GRIN2B: variants seen among roughly 807,000 people sequenced by gnomAD.
GRIN2B encodes the protein glutamate receptor ionotropic, NMDA 2B.
A neutral mutation model predicts 114.5 loss-of-function variants in GRIN2B; 5 were observed. The ratio of observed to expected loss-of-function variants is 0.04; its 90% CI spans 0.02 to 0.09. The LOEUF (loss-of-function observed/expected upper bound fraction) is 0.09. Among genes scored for constraint, GRIN2B ranks in the 10% least tolerant of loss-of-function variants. The probability of loss-of-function intolerance (pLI) is 1.00; values close to 1 mark genes in which losing one functional copy is unlikely to be tolerated. For synonymous variants in GRIN2B, 787 were observed against 745.1 expected, an observed-to-expected ratio of 1.06 and a Z score of -0.92; for missense variants, 1,108 against 1,943.5, an observed-to-expected ratio of 0.57 and a Z score of 8.08.
rs770764154 is a variant in GRIN2B, at chr12:13,540,984, A to T, written c.*21799T>A. The T allele has an allele frequency of 6.6e-6, 1 of 152,284 alleles. No homozygotes were observed. The highest frequency in any genetic ancestry group is 1.5e-5 in the Non-Finnish European group (1 of 68,088). The allele number at this position is 152,284 out of a possible 1,614,324, so 9.4% of individuals were successfully genotyped here. ...CGCAACCCCATAGTGGATGCATATCATGTTTCCATCATCACCCCCTTACAC... is the reference window on the plus strand; with the variant it reads ...CGCAACCCCATAGTGGATGCATATCTTGTTTCCATCATCACCCCCTTACAC... On this transcript the variant is annotated 3_prime_UTR_variant, in exon 14 of 14. Transcript: ENST00000609686.
chr12:13,972,324 T>A (rs533654858), intron 2 of GRIN2B, among the ~76,000 whole-genome samples: 1 of 152,290 alleles, frequency 6.6e-6, no homozygotes, highest in African/African-American at 2.4e-5. Flanking sequence ...TGTCACTTTA[T>A]GGAAATTAGA....
intron 10 of GRIN2B, among the ~76,000 whole-genome samples, chr12:13,582,730 G>C (rs1948869797): frequency 6.6e-6 from 1 of 151,940 alleles, no homozygotes; most frequent in African/African-American, 2.4e-5. Flanking sequence ...TTCTATAATA[G>C]GTCTTAGAAG....
At chr12:13,567,684 C>A (rs1235194338) in intron 12 of GRIN2B, among the ~76,000 whole-genome samples, 1 of 152,024 alleles carries the variant, frequency 6.6e-6, no homozygotes, top group Non-Finnish European at 1.5e-5. Flanking sequence ...AGTGGGCATG[C>A]TGGATGGATG....
chr12:13,841,201 G>A (rs1266798699), intron 3 of GRIN2B, among the ~76,000 whole-genome samples: 1 of 152,152 alleles, frequency 6.6e-6, no homozygotes. Context: ...TTGTATGGCT[G>A]AAGAAGCTGA....
chr12:13,891,479 T>C (rs1866261660), intron 2 of GRIN2B, among the ~76,000 whole-genome samples: 1 of 152,186 alleles, frequency 6.6e-6, no homozygotes, highest in South Asian at 2.1e-4. Context: ...GTGCCACCAA[T>C]GCAATGAGGT....
chr12:13,841,412 G>A lies in GRIN2B; in HGVS notation c.411+24386C>T, dbSNP rs375211453. Among the ~76,000 whole-genome samples, 7 of 152,226 alleles carry A rather than the reference G, an allele frequency of 4.6e-5. No individual in the cohort carries two copies. The East Asian group carries it at 9.6e-4, about 21-fold the overall frequency. ...CACACGGGACAGAAATAAAAGGCTC[G>A]CTAAAGTCAAGACACAGTACATTGA... On this transcript the variant is annotated intron_variant, in intron 3 of 13. Transcript: ENST00000609686.
At chr12:13,879,239 G>A (rs984505553) in intron 2 of GRIN2B, among the ~76,000 whole-genome samples, 6 of 152,010 alleles carry the variant, frequency 3.9e-5, no homozygotes, top group African/African-American at 1.2e-4. Flanking sequence ...AGGCCATATG[G>A]GATAGCCTAT....
intron 4 of GRIN2B, among the ~76,000 whole-genome samples, chr12:13,745,155 G>A (rs575508389): frequency 1.2e-4 from 19 of 152,162 alleles, no homozygotes; most frequent in Non-Finnish European, 2.4e-4. Context: ...GGAAGCTCAT[G>A]TTAGTTAAGT....
chr12:13,605,520 G>GTCTGTCTCTC (rs1949229830), intron 10 of GRIN2B, among the ~76,000 whole-genome samples: 1 of 114,952 alleles, frequency 8.7e-6, no homozygotes, highest in African/African-American at 3.4e-5. Context: ...GGTCTTGAAA[G>GTCTGTCTCTC]TCTCTCTCTC....
At chr12:13,762,465 C>T (rs373368472) in intron 3 of GRIN2B, among the ~76,000 whole-genome samples, 22 of 152,292 alleles carry the variant, frequency 1.4e-4, no homozygotes, top group African/African-American at 4.3e-4. Context: ...GACGTACTAG[C>T]GGCATTTTTC....
intron 3 of GRIN2B, among the ~76,000 whole-genome samples, chr12:13,821,287 C>G (rs1864931347): frequency 6.6e-6 from 1 of 152,140 alleles, no homozygotes; most frequent in South Asian, 2.1e-4. Context: ...CCTCTGAAAC[C>G]AAGCAATAGA....
At chr12:13,733,781 T>C (rs541455573) in intron 4 of GRIN2B, among the ~76,000 whole-genome samples, 2 of 152,236 alleles carry the variant, frequency 1.3e-5, no homozygotes, top group East Asian at 3.9e-4. Context: ...GTTCAATACC[T>C]CATATAATCA....
chr12:13,701,365 G>A (rs985974453), intron 4 of GRIN2B, among the ~76,000 whole-genome samples: 3 of 152,168 alleles, frequency 2.0e-5, no homozygotes, highest in East Asian at 1.9e-4. Flanking sequence ...AATTCATGGG[G>A]TGTCATAATC....
chr12:13,659,392 A>C (rs1008982920), intron 5 of GRIN2B, among the ~76,000 whole-genome samples: 4 of 152,150 alleles, frequency 2.6e-5, no homozygotes, highest in Non-Finnish European at 4.4e-5. Flanking sequence ...ATTCAGGCCC[A>C]AGATGACTGC....
At chr12:13,908,437 A>G (rs1011336817) in intron 2 of GRIN2B, among the ~76,000 whole-genome samples, 20 of 152,202 alleles carry the variant, frequency 1.3e-4, no homozygotes, top group Middle Eastern at 3.2e-3. Flanking sequence ...TTAAATACTA[A>G]TATTGTCCCA....
chr12:13,847,523 GA>G (rs1050761234), intron 3 of GRIN2B, among the ~76,000 whole-genome samples: 1 of 152,164 alleles, frequency 6.6e-6, no homozygotes, highest in African/African-American at 2.4e-5. Context: ...GTAGGCTACA[GA>G]GGGGCCTCAG....
chr12:13,749,178 T>C lies in GRIN2B; in HGVS notation c.1010+4139A>G, dbSNP rs149408113. 4.6e-5 allele frequency among the ~76,000 whole-genome samples: 7 copies of C among 152,336 alleles called. No homozygotes were observed. The East Asian group carries it at 1.4e-3, about 29-fold the overall frequency. ...TGAGAAGGATTTTATGCCATAAAAA[T>C]ATATTCTTCCTTTGGTAACTAACAA... On this transcript the variant is annotated intron_variant, in intron 4 of 13. Coordinates refer to ENST00000609686, the MANE Select transcript of GRIN2B (RefSeq NM_000834.5).
chr12:13,870,906 T>C (rs1865894628), intron 2 of GRIN2B, among the ~76,000 whole-genome samples: 1 of 152,156 alleles, frequency 6.6e-6, no homozygotes, highest in Admixed American at 6.5e-5. Context: ...TATAACCTTT[T>C]TGGAGGTCAA....
chr12:13,573,113 C>G (rs1438122379), intron 10 of GRIN2B, among the ~76,000 whole-genome samples: 1 of 149,224 alleles, frequency 6.7e-6, no homozygotes, highest in Non-Finnish European at 1.5e-5. Context: ...ATGATAATGC[C>G]TAATTTTCAA....
Sources: allele counts gnomAD v4.1 joint callset (sites outside exome capture counted in the v4.1 genomes callset), GRCh38; gene constraint gnomAD v4.1.1; transcripts MANE v1.5; gene names NCBI Gene and HGNC (gene_info 2026-07-23, HGNC 2026-07-21).